SLIT3: variants seen among roughly 807,000 people sequenced by gnomAD.
SLIT3 encodes the protein slit homolog 3 protein.
A neutral mutation model predicts 184.0 loss-of-function variants in SLIT3; 68 were observed. That is an observed-to-expected ratio of 0.37 (90% confidence interval 0.30 to 0.45). The LOEUF (loss-of-function observed/expected upper bound fraction) is 0.45, where lower values mean the gene tolerates loss of function less well. Ranked by LOEUF, SLIT3 falls within the 20% of genes least tolerant of loss-of-function variation. The pLI is 1.00. For missense variants in SLIT3, 1,707 were observed against 2,026.0 expected (o/e 0.84, Z 3.02); for synonymous variants, 831 against 828.6 (o/e 1.00, Z -0.05).
intron 4 of SLIT3, among the ~76,000 whole-genome samples, chr5:168,934,696 C>A (rs1483674028): frequency 6.6e-6 from 1 of 152,096 alleles, no homozygotes; most frequent in African/African-American, 2.4e-5. Flanking sequence ...GGGAGCACTT[C>A]TGCAAAGGTC....
intron 4 of SLIT3, 121 bp downstream of exon 4, chr5:169,193,358 G>T: frequency 1.3e-6 from 1 of 796,746 alleles, no homozygotes; most frequent in Non-Finnish European, 2.2e-6. Context: ...CCTGCTCCAA[G>T]TCTCTATGTC....
chr5:168,975,456 C>T (rs1754717993), intron 4 of SLIT3, among the ~76,000 whole-genome samples: 1 of 147,522 alleles, frequency 6.8e-6, no homozygotes, highest in African/African-American at 2.7e-5. Context: ...CATACAGACA[C>T]CCCCCCACAC....
At chr5:168,959,782 A>T (rs537547529) in intron 4 of SLIT3, among the ~76,000 whole-genome samples, 3 of 152,214 alleles carry the variant, frequency 2.0e-5, no homozygotes, top group Non-Finnish European at 4.4e-5. Context: ...CCTTTGCTGA[A>T]TTGAGACATT....
At chr5:169,178,851 T>C (rs1763062552) in intron 4 of SLIT3, among the ~76,000 whole-genome samples, 1 of 152,220 alleles carries the variant, frequency 6.6e-6, no homozygotes, top group South Asian at 2.1e-4. Flanking sequence ...AGGTTGTTCC[T>C]AACAGCAGCC....
chr5:169,033,873 C>T (rs1017799091), intron 4 of SLIT3, among the ~76,000 whole-genome samples: 1 of 143,586 alleles, frequency 7.0e-6, no homozygotes, highest in African/African-American at 2.6e-5. Flanking sequence ...AGTGCAGTGG[C>T]ACAATCTCGG....
intron 4 of SLIT3, among the ~76,000 whole-genome samples, chr5:169,171,378 G>A (rs1401681314): frequency 1.3e-5 from 2 of 152,216 alleles, no homozygotes; most frequent in African/African-American, 2.4e-5. Context: ...GAATGGTCTT[G>A]AGCAAAAGTG....
chr5:169,034,912 AGTGTGTGTGTGTGTGTGTGTGTGTGTGT>A (rs112102059), intron 4 of SLIT3, among the ~76,000 whole-genome samples: 3 of 132,418 alleles, frequency 2.3e-5, no homozygotes, highest in Non-Finnish European at 4.8e-5. Context: ...ACGCCCAGCT[AGTGTGTGTGTGTGTGTGTGTGTGTGTGT>A]GTGTGTGTGT....
At chr5:168,859,296 G>A (rs17635646) in intron 5 of SLIT3, among the ~76,000 whole-genome samples, 43,432 of 151,928 alleles carry the variant, frequency 0.29, 6,208 homozygotes, top group African/African-American at 0.29. Context: ...TGACAAAATC[G>A]ATAAAGTGGG....
chr5:169,006,138 C>G (rs1755916939), intron 4 of SLIT3, among the ~76,000 whole-genome samples: 1 of 152,184 alleles, frequency 6.6e-6, no homozygotes, highest in South Asian at 2.1e-4. Context: ...AGTGGTAATG[C>G]CTGGTCCCCA....
At chr5:168,750,786 G>A (rs192055070) in intron 18 of SLIT3, among the ~76,000 whole-genome samples, 1 of 152,038 alleles carries the variant, frequency 6.6e-6, no homozygotes, top group East Asian at 2.0e-4. Flanking sequence ...CCGGGCATCT[G>A]CTTGTGCTCT....
At chr5:168,836,446 C>T (rs1371695082) in intron 6 of SLIT3, among the ~76,000 whole-genome samples, 2 of 152,226 alleles carry the variant, frequency 1.3e-5, no homozygotes, top group Admixed American at 1.3e-4. Flanking sequence ...GAAGCCCGGT[C>T]TTAGGAGTGA....
chr5:169,111,171 C>G (rs1760395647), intron 4 of SLIT3, among the ~76,000 whole-genome samples: 1 of 152,172 alleles, frequency 6.6e-6, no homozygotes, highest in Non-Finnish European at 1.5e-5. Flanking sequence ...CATCCTTTCT[C>G]AGGGAGCCTT....
intron 4 of SLIT3, among the ~76,000 whole-genome samples, chr5:168,885,550 C>G (rs1760164174): frequency 6.6e-6 from 1 of 152,208 alleles, no homozygotes; most frequent in South Asian, 2.1e-4. Flanking sequence ...CTCTGGCAGT[C>G]ACAATGAGTC....
chr5:168,831,641 G>A (rs1757886187), intron 6 of SLIT3, among the ~76,000 whole-genome samples: 1 of 152,050 alleles, frequency 6.6e-6, no homozygotes, highest in Non-Finnish European at 1.5e-5. Flanking sequence ...ATTTGTACCC[G>A]ACTCTAAAGT....
At chr5:169,224,608 T>G (rs1764736599) in intron 3 of SLIT3, among the ~76,000 whole-genome samples, 1 of 152,162 alleles carries the variant, frequency 6.6e-6, no homozygotes, top group Admixed American at 6.5e-5. Flanking sequence ...GCTCAAGTGA[T>G]CTTCCCACTT....
rs138757682 is a variant in SLIT3 at position 168,944,655 on chromosome 5, A to C, written c.414-61319T>G. ...AGAGGAAGTATGGGTTGAGTCAGTG[A>C]ATATGGAGTTAAGATGCCAAAACTG... On this transcript the variant is annotated intron_variant, in intron 4 of 35. Coordinates refer to ENST00000519560, the MANE Select transcript of SLIT3 (RefSeq NM_003062.4). Among the ~76,000 whole-genome samples, 6 of 152,258 alleles carry C rather than the reference A, an allele frequency of 3.9e-5. No individual in the cohort carries two copies. In the East Asian group the frequency reaches 9.7e-4, roughly 25 times the overall value.
chr5:168,672,624 C>T (rs1761288273), intron 33 of SLIT3, among the ~76,000 whole-genome samples: 1 of 152,098 alleles, frequency 6.6e-6, no homozygotes, highest in Admixed American at 6.5e-5. Context: ...TACAGGTGCT[C>T]ACTACTGTGC....
chr5:168,767,935 C>A (rs1394562484), intron 14 of SLIT3, among the ~76,000 whole-genome samples: 2 of 152,118 alleles, frequency 1.3e-5, no homozygotes, highest in African/African-American at 4.8e-5. Flanking sequence ...GAGGGTGACT[C>A]CATTTTGGGA....
At chr5:168,873,656 G>A (rs1451529681) in intron 5 of SLIT3, among the ~76,000 whole-genome samples, 1 of 152,032 alleles carries the variant, frequency 6.6e-6, no homozygotes, top group Non-Finnish European at 1.5e-5. Flanking sequence ...GATAATACAC[G>A]TGAAGGCTGC....
Sources: allele counts gnomAD v4.1 joint callset (sites outside exome capture counted in the v4.1 genomes callset), GRCh38; gene constraint gnomAD v4.1.1; transcripts MANE v1.5; gene names NCBI Gene and HGNC (gene_info 2026-07-23, HGNC 2026-07-21).